MINDY4: variants seen among roughly 807,000 people sequenced by gnomAD.
The protein encoded by MINDY4 is MINDY lysine 48 deubiquitinase 4.
In MINDY4, 68 loss-of-function variants were observed where a neutral mutation model predicts 87.0. The ratio of observed to expected loss-of-function variants is 0.78; its 90% CI spans 0.64 to 0.96. The LOEUF is 0.96. Among genes scored for constraint, MINDY4 ranks in the 40% least tolerant of loss-of-function variants. The probability of loss-of-function intolerance (pLI) is 0.00; values close to 1 mark genes in which losing one functional copy is unlikely to be tolerated. For synonymous variants in MINDY4, 379 were observed against 363.2 expected (o/e 1.04, Z -0.50); for missense variants, 919 against 928.2 (o/e 0.99, Z 0.13).
At chr7:30,870,967 T>C (rs949921687) in intron 13 of MINDY4, among the ~76,000 whole-genome samples, 1 of 149,348 alleles carries the variant, frequency 6.7e-6, no homozygotes, top group Non-Finnish European at 1.5e-5. Flanking sequence ...GAGTCAAGTG[T>C]GCCTCTCAGG....
At chr7:30,808,437 G>A (rs1015136369) in intron 5 of MINDY4, among the ~76,000 whole-genome samples, 11 of 152,148 alleles carry the variant, frequency 7.2e-5, no homozygotes, top group Admixed American at 6.5e-4. Flanking sequence ...CTGGTTTGGT[G>A]TAAACTGTAA....
At position 30,852,781 on chromosome 7, in the gene MINDY4, G is replaced by A. The variant is rs182594207; in HGVS notation, c.1611+502G>A. 1.3e-3 allele frequency among the ~76,000 whole-genome samples: 205 copies of A among 152,314 alleles called. 1 individual carries two copies. Among genetic ancestry groups the A allele is most frequent in the African/African-American group, 4.5e-3 (186 of 41,560 alleles). On this transcript the variant is annotated intron_variant, in intron 11 of 17. Transcript: ENST00000265299. ...GTATTTTGTAAAATATAAGAGCAGTGAAGTTTTTCAGCTACCTCTTGCCAA... is the reference window on the plus strand; with the variant it reads ...GTATTTTGTAAAATATAAGAGCAGTAAAGTTTTTCAGCTACCTCTTGCCAA...
intron 12 of MINDY4, among the ~76,000 whole-genome samples, chr7:30,854,792 C>T (rs577545092): frequency 1.3e-5 from 2 of 152,328 alleles, no homozygotes; most frequent in African/African-American, 4.8e-5. Flanking sequence ...CACCAGATGT[C>T]CCTTGGGTAG....
intron 5 of MINDY4, among the ~76,000 whole-genome samples, chr7:30,800,010 G>T (rs1787600283): frequency 6.6e-6 from 1 of 152,174 alleles, no homozygotes; most frequent in African/African-American, 2.4e-5. Flanking sequence ...GCCCATCCTG[G>T]AGTGGGGCGG....
At chr7:30,795,281 C>T (rs907700263) in intron 5 of MINDY4, among the ~76,000 whole-genome samples, 7 of 152,324 alleles carry the variant, frequency 4.6e-5, no homozygotes, top group African/African-American at 1.7e-4. Context: ...CACTTACTTG[C>T]TCAGTCAGCT....
At chr7:30,839,402 T>A in intron 8 of MINDY4, 86 bp downstream of exon 8, 1 of 769,108 alleles carries the variant, frequency 1.3e-6, no homozygotes, top group Non-Finnish European at 2.1e-6. Flanking sequence ...TGGTTAATCC[T>A]GTGAGCATTA....
chr7:30,809,078 C>G (rs930808946), intron 5 of MINDY4, among the ~76,000 whole-genome samples: 1 of 152,038 alleles, frequency 6.6e-6, no homozygotes, highest in South Asian at 2.1e-4. Context: ...ACAGTGTACC[C>G]TATTCCTTTA....
chr7:30,786,808 G>A (rs918460164), intron 4 of MINDY4, among the ~76,000 whole-genome samples: 1 of 151,972 alleles, frequency 6.6e-6, no homozygotes, highest in African/African-American at 2.4e-5. Flanking sequence ...CTCTTACAGG[G>A]TGACCATGGT....
At chr7:30,793,964 G>A (rs1164628534) in intron 5 of MINDY4, among the ~76,000 whole-genome samples, 2 of 152,160 alleles carry the variant, frequency 1.3e-5, no homozygotes, top group African/African-American at 2.4e-5. Context: ...TTTCACAGAT[G>A]AGGAAACTGA....
At chr7:30,883,257 C>T (rs1008426548) in intron 17 of MINDY4, among the ~76,000 whole-genome samples, 1 of 152,164 alleles carries the variant, frequency 6.6e-6, no homozygotes, top group African/African-American at 2.4e-5. Context: ...AAATGGGCAC[C>T]TCTTGAAGCC....
At chr7:30,889,272 C>G (rs1050062212) in intron 17 of MINDY4, among the ~76,000 whole-genome samples, 1 of 152,216 alleles carries the variant, frequency 6.6e-6, no homozygotes, top group African/African-American at 2.4e-5. Context: ...AAATGCTCAT[C>G]GTGTTGCTGC....
chr7:30,777,509 G>T lies in MINDY4; in HGVS notation c.64-923G>T, dbSNP rs146462751. On this transcript the variant is annotated intron_variant, in intron 1 of 17. Coordinates refer to ENST00000265299, the MANE Select transcript of MINDY4 (RefSeq NM_032222.3). ...CTCCTCTTTCCTCTGTTTGTTTCAA[G>T]ATTGTGTTCTTTTAGTTTCCCAAAT... is the stretch of plus-strand genomic sequence containing the variant. 3.3e-5 allele frequency among the ~76,000 whole-genome samples: 5 copies of T among 152,232 alleles called. No individual in the cohort carries two copies. The East Asian group carries it at 9.7e-4, about 29-fold the overall frequency.
intron 8 of MINDY4, among the ~76,000 whole-genome samples, 194 bp from the exon 9 acceptor site, chr7:30,840,566 A>G (rs771122193): frequency 2.6e-5 from 4 of 152,186 alleles, no homozygotes; most frequent in Non-Finnish European, 4.4e-5. Context: ...GGAGTGGACA[A>G]AGGGTCTTGT....
intron 9 of MINDY4, among the ~76,000 whole-genome samples, chr7:30,842,258 G>A (rs1329000070): frequency 1.3e-5 from 2 of 152,124 alleles, no homozygotes; most frequent in South Asian, 2.1e-4. Flanking sequence ...TTTGCTCTCC[G>A]GTCGATCCTT....
At chr7:30,861,057 A>G (rs1789748852) in intron 13 of MINDY4, among the ~76,000 whole-genome samples, 1 of 152,160 alleles carries the variant, frequency 6.6e-6, no homozygotes, top group African/African-American at 2.4e-5. Context: ...ACACACAGAG[A>G]CACATAGTCC....
chr7:30,771,823 C>T (rs1435453447), intron 1 of MINDY4, among the ~76,000 whole-genome samples: 2 of 152,214 alleles, frequency 1.3e-5, no homozygotes, highest in Non-Finnish European at 2.9e-5. Context: ...CGCTCCGGGG[C>T]GGCGGCAGCT....
chr7:30,868,769 A>G (rs1790013935), intron 13 of MINDY4, among the ~76,000 whole-genome samples: 1 of 152,170 alleles, frequency 6.6e-6, no homozygotes, highest in African/African-American at 2.4e-5. Context: ...ATCCTGGGCA[A>G]AGCTCTCTAT....
chr7:30,864,372 A>G (rs62449123), intron 13 of MINDY4, among the ~76,000 whole-genome samples: 8,033 of 152,250 alleles, frequency 0.053, 344 homozygotes, highest in Middle Eastern at 0.075. Context: ...GGTTGGAAAG[A>G]CAGTGACAGA....
intron 14 of MINDY4, among the ~76,000 whole-genome samples, chr7:30,872,799 C>A (rs1790144911): frequency 6.6e-6 from 1 of 152,252 alleles, no homozygotes; most frequent in Admixed American, 6.5e-5. Context: ...AGCACAGTTG[C>A]TTGTCATCAG....
Sources: gnomAD v4.1 joint callset for allele counts (sites outside exome capture counted in the v4.1 genomes callset) on GRCh38, gnomAD v4.1.1 for gene constraint, MANE v1.5 for transcripts, NCBI Gene and HGNC (gene_info 2026-07-23, HGNC 2026-07-21) for gene names.